The following FOXP2 variants were observed in gnomAD, a reference collection of about 807,000 sequenced individuals.
FOXP2 encodes forkhead box P2, also known as forkhead box protein P2.
In FOXP2, 12 loss-of-function variants were observed where a neutral mutation model predicts 115.8. The ratio of observed to expected loss-of-function variants is 0.10; its 90% CI spans 0.07 to 0.17. The LOEUF (loss-of-function observed/expected upper bound fraction) is 0.17, where lower values mean the gene tolerates loss of function less well. Ranked by LOEUF, FOXP2 falls within the 10% of genes least tolerant of loss-of-function variation. FOXP2 has a pLI of 1.00. For missense variants in FOXP2, 629 were observed against 843.5 expected (o/e 0.75, Z 3.15); for synonymous variants, 328 against 297.7 (o/e 1.10, Z -1.05).
chr7:114,408,533 C>T lies in FOXP2; in HGVS notation c.-10-17969C>T, dbSNP rs149069790. Among the ~76,000 whole-genome samples the T allele has an allele frequency of 4.0e-3, 607 of 152,152 alleles. 3 individuals carry two copies. The highest frequency in any genetic ancestry group is 0.018 in the South Asian group (88 of 4,818). The stretch of plus-strand genomic sequence containing the variant: ...TTTGAGGTCAGGAGTTCCAGACCAG[C>T]CTGGCCAATATGGTGAAACCCTGTC... On this transcript the variant is annotated intron_variant, in intron 2 of 17. Transcript: ENST00000634411.
intron 3 of FOXP2, among the ~76,000 whole-genome samples, chr7:114,604,331 A>G (rs563593573): frequency 2.0e-5 from 3 of 152,288 alleles, no homozygotes; most frequent in South Asian, 2.1e-4. Flanking sequence ...ATATCATCAC[A>G]TTGGAGGTTA....
At chr7:114,110,045 TG>T (rs1791223941) in intron 1 of FOXP2, among the ~76,000 whole-genome samples, 1 of 152,156 alleles carries the variant, frequency 6.6e-6, no homozygotes, top group African/African-American at 2.4e-5. Flanking sequence ...TTCCACATTT[TG>T]TCTCCCCTAG....
intron 2 of FOXP2, among the ~76,000 whole-genome samples, chr7:114,305,828 G>A (rs1007843827): frequency 3.3e-5 from 5 of 152,018 alleles, no homozygotes; most frequent in Non-Finnish European, 7.4e-5. Flanking sequence ...TTATAATATA[G>A]GTACTGCTAT....
intron 1 of FOXP2, among the ~76,000 whole-genome samples, chr7:114,183,472 C>A (rs192571311): frequency 2.6e-5 from 4 of 152,042 alleles, no homozygotes; most frequent in Non-Finnish European, 5.9e-5. Context: ...GTTAAGAGAG[C>A]CTTCTTTAGC....
At chr7:114,157,630 T>C (rs764062515) in intron 1 of FOXP2, among the ~76,000 whole-genome samples, 3 of 152,146 alleles carry the variant, frequency 2.0e-5, no homozygotes, top group African/African-American at 4.8e-5. Context: ...CTCCCTATCC[T>C]AGTTGATGCA....
At chr7:114,246,295 C>T (rs1474562144) in intron 1 of FOXP2, among the ~76,000 whole-genome samples, 1 of 152,054 alleles carries the variant, frequency 6.6e-6, no homozygotes, top group Non-Finnish European at 1.5e-5. Flanking sequence ...TCTGGGCTAG[C>T]AGTAAAGTAG....
chr7:114,408,029 A>G (rs1327088752), intron 2 of FOXP2, among the ~76,000 whole-genome samples: 1 of 152,210 alleles, frequency 6.6e-6, no homozygotes, highest in Non-Finnish European at 1.5e-5. Context: ...TTCACTCTAT[A>G]AAATGTAAAG....
At chr7:114,498,964 C>T (rs1245629954) in intron 2 of FOXP2, 2 of 717,326 alleles carry the variant, frequency 2.8e-6, no homozygotes, top group South Asian at 1.5e-5. Context: ...GAGCGATTCT[C>T]AAAAGTGTGA....
intron 1 of FOXP2, among the ~76,000 whole-genome samples, chr7:114,211,499 A>T (rs541931485): frequency 6.6e-6 from 1 of 152,226 alleles, no homozygotes; most frequent in Admixed American, 6.5e-5. Context: ...CCCTGGGTTG[A>T]GCTGTTTGCC....
At chr7:114,151,222 G>C (rs138866194) in intron 1 of FOXP2, among the ~76,000 whole-genome samples, 1,542 of 151,960 alleles carry the variant, frequency 0.01, 15 homozygotes, top group Middle Eastern at 0.02. Context: ...TGAGCAAATA[G>C]GCAAAATCAT....
chr7:114,562,671 C>T (rs1438966171), intron 3 of FOXP2, among the ~76,000 whole-genome samples: 1 of 152,184 alleles, frequency 6.6e-6, no homozygotes, highest in African/African-American at 2.4e-5. Context: ...TCTCCCATTT[C>T]TCTGTGTGCC....
At chr7:114,398,488 A>G (rs1792798241) in intron 2 of FOXP2, among the ~76,000 whole-genome samples, 1 of 152,234 alleles carries the variant, frequency 6.6e-6, no homozygotes, top group Non-Finnish European at 1.5e-5. Context: ...AAAATATAAA[A>G]ATGGACAAGA....
At chr7:114,232,461 C>A (rs1435588587) in intron 1 of FOXP2, among the ~76,000 whole-genome samples, 2 of 152,082 alleles carry the variant, frequency 1.3e-5, no homozygotes, top group African/African-American at 4.8e-5. Context: ...TGGAAACACC[C>A]TAAATGCCCA....
chr7:114,092,961 T>C (rs1799573327), intron 1 of FOXP2, among the ~76,000 whole-genome samples: 1 of 152,138 alleles, frequency 6.6e-6, no homozygotes, highest in Admixed American at 6.5e-5. Flanking sequence ...CATCATCTCC[T>C]ACTTGAACTG....
At chr7:114,428,977 A>G (rs1349107474) in intron 2 of FOXP2, among the ~76,000 whole-genome samples, 1 of 151,570 alleles carries the variant, frequency 6.6e-6, no homozygotes, top group Non-Finnish European at 1.5e-5. Context: ...GTTGACCAAG[A>G]TCTTTTGTTT....
In FOXP2 at chr7:114,630,005, G is replaced by A. The variant is rs1360496954; in HGVS notation, c.597G>A (p.Glu199=). 1.2e-6 allele frequency: 2 copies of A among 1,603,390 alleles called. No individual in the cohort carries two copies. The highest frequency in any genetic ancestry group is 1.7e-5 in the Admixed American group (1 of 59,206). Residue 199 remains glutamate, a splice_region_variant and synonymous_variant, in exon 5 of 17, where the codon GAG becomes GAA. Coordinates refer to ENST00000350908, the MANE Select transcript of FOXP2 (RefSeq NM_014491.4). ...QQQHPGKQAK[E]QQQQQQQQQQ... is the part of the protein sequence containing the mutation. ...AGCATCCTGGAAAGCAAGCGAAAGAGGTAGGATCCGGTTATCTCATTGATA... is the reference window on the plus strand; with the variant it reads ...AGCATCCTGGAAAGCAAGCGAAAGAAGTAGGATCCGGTTATCTCATTGATA...
At chr7:114,648,560 A>C (rs1025917586) in intron 8 of FOXP2, among the ~76,000 whole-genome samples, 1 of 152,118 alleles carries the variant, frequency 6.6e-6, no homozygotes, top group African/African-American at 2.4e-5. Flanking sequence ...TGAAGTTACC[A>C]CTTACATTCA....
In FOXP2 at chr7:114,477,688, A is replaced by G. The variant is rs148293708; in HGVS notation, c.168+51009A>G. On this transcript the variant is annotated intron_variant, in intron 2 of 16. Coordinates refer to ENST00000350908, the MANE Select transcript of FOXP2 (RefSeq NM_014491.4). The stretch of plus-strand genomic sequence containing the variant: ...TCTATATATAAATATAAACTGATAC[A>G]TATATATATGAAAAAGAATGTATCA... Among the ~76,000 whole-genome samples, 710 of 151,974 alleles carry G rather than the reference A, an allele frequency of 4.7e-3. 4 individuals carry two copies. The highest frequency in any genetic ancestry group is 7.4e-3 in the Non-Finnish European group (500 of 67,908).
rs534131458 is a variant in FOXP2, at chr7:114,271,938, A to C, written c.-101-16081A>C. 4.8e-3 allele frequency among the ~76,000 whole-genome samples: 624 copies of C among 131,140 alleles called. 4 individuals carry two copies. The highest frequency in any genetic ancestry group is 0.017 in the African/African-American group (583 of 34,808). The allele number at this position is 131,140 out of a possible 152,430, so 86.0% of individuals were successfully genotyped here. ...TTATAATATAATTATTATAATATTA[A>C]TATATTGTATTTATTATTATATTAA... On this transcript the variant is annotated intron_variant, in intron 1 of 17. Coordinates refer to the FOXP2 transcript ENST00000634411.
Sources: gnomAD v4.1 joint callset for allele counts (sites outside exome capture counted in the v4.1 genomes callset) on GRCh38, gnomAD v4.1.1 for gene constraint, MANE v1.5 for transcripts, NCBI Gene and HGNC (gene_info 2026-07-23, HGNC 2026-07-21) for gene names.